The following CCDC144A variants were observed in gnomAD, a reference collection of about 807,000 sequenced individuals.
CCDC144A encodes the protein coiled-coil domain-containing protein 144A.
In CCDC144A, 41 loss-of-function variants were observed where a neutral mutation model predicts 143.8. The observed-to-expected ratio is 0.29, with a 90% CI of 0.22 to 0.37. The LOEUF (loss-of-function observed/expected upper bound fraction) is 0.37, where lower values mean the gene tolerates loss of function less well. CCDC144A is among the 10% of genes least tolerant of loss of function. CCDC144A has a pLI of 1.00. For synonymous variants in CCDC144A, 242 were observed against 517.9 expected (o/e 0.47, Z 7.23); for missense variants, 637 against 1,488.8 (o/e 0.43, Z 9.41).
At chr17:16,694,039 A>G (rs1175712932) in intron 2 of CCDC144A, among the ~76,000 whole-genome samples, 1 of 148,140 alleles carries the variant, frequency 6.8e-6, no homozygotes, top group Non-Finnish European at 1.5e-5. Flanking sequence ...GGATCATTAT[A>G]TAACTCTTCA....
At chr17:16,730,775 T>C (rs1354309058) in intron 9 of CCDC144A, among the ~76,000 whole-genome samples, 2 of 139,612 alleles carry the variant, frequency 1.4e-5, no homozygotes, top group African/African-American at 6.2e-5. Context: ...AGGGATTAGG[T>C]TCTTGATTAG....
chr17:16,699,531 G>A (rs1378712337), intron 2 of CCDC144A, among the ~76,000 whole-genome samples: 1 of 29,784 alleles, frequency 3.4e-5, no homozygotes, highest in Admixed American at 4.5e-4. Flanking sequence ...GTGAGCCACC[G>A]CGCCCGGCCT....
the CCDC144A span, among the ~76,000 whole-genome samples, chr17:16,676,380 A>G: frequency 1.3e-5 from 2 of 151,634 alleles, no homozygotes; most frequent in Non-Finnish European, 1.5e-5. Flanking sequence ...GCGTGGTGGC[A>G]GGCGCCTGTA....
upstream of CCDC144A, among the ~76,000 whole-genome samples, chr17:16,687,975 C>A (rs1910842340): frequency 6.6e-6 from 1 of 151,390 alleles, no homozygotes; most frequent in South Asian, 2.1e-4. Context: ...AAAGAGCACA[C>A]TAGATTGTAC....
chr17:16,728,200 T>C (rs1199303364), intron 9 of CCDC144A, among the ~76,000 whole-genome samples: 1 of 152,178 alleles, frequency 6.6e-6, no homozygotes, highest in Non-Finnish European at 1.5e-5. Flanking sequence ...CATGCTTGGC[T>C]AACTTTTTAA....
intron 12 of CCDC144A, among the ~76,000 whole-genome samples, chr17:16,758,190 T>C (rs1015160284): frequency 1.3e-5 from 2 of 151,790 alleles, no homozygotes; most frequent in African/African-American, 4.8e-5. Context: ...ATTTAAAAGA[T>C]TTCTACCACT....
chr17:16,770,124 ACTGT>A (rs1430796424), intron 15 of CCDC144A, among the ~76,000 whole-genome samples: 2 of 148,990 alleles, frequency 1.3e-5, no homozygotes, highest in African/African-American at 5.0e-5. Context: ...CCACACCTGG[ACTGT>A]CTGAGTTATT....
the CCDC144A span, among the ~76,000 whole-genome samples, chr17:16,680,779 A>G: frequency 1.3e-5 from 2 of 152,050 alleles, no homozygotes; most frequent in South Asian, 4.2e-4. Flanking sequence ...CAGAACCAAA[A>G]CAAAAAAGGA....
intron 15 of CCDC144A, 36 bp downstream of exon 15, chr17:16,764,211 T>A (rs1331318622): frequency 7.0e-6 from 11 of 1,579,396 alleles, no homozygotes; most frequent in African/African-American, 2.7e-5. Flanking sequence ...TTCAGATTTC[T>A]GATAGAATTC....
chr17:16,721,852 G>A (rs962181386), intron 8 of CCDC144A, among the ~76,000 whole-genome samples: 10 of 152,166 alleles, frequency 6.6e-5, no homozygotes, highest in African/African-American at 2.4e-4. Context: ...TGCCCCGCAG[G>A]TTGGATTTTA....
At chr17:16,699,284 A>G (rs1911584674) in intron 2 of CCDC144A, among the ~76,000 whole-genome samples, 1 of 148,432 alleles carries the variant, frequency 6.7e-6, no homozygotes, top group South Asian at 2.2e-4. Flanking sequence ...TTAACCATCT[A>G]TACATAAGAT....
chr17:16,697,008 C>T (rs922304543), intron 2 of CCDC144A, among the ~76,000 whole-genome samples: 1 of 151,656 alleles, frequency 6.6e-6, no homozygotes, highest in Non-Finnish European at 1.5e-5. Flanking sequence ...CATTCCTAAA[C>T]CAGGCACTGG....
In CCDC144A at chr17:16,761,332, T is replaced by A. The variant is rs866416059; in HGVS notation, c.3373-93T>A. The A allele has an allele frequency of 1.2e-3, 1,237 of 993,686 alleles. 8 individuals are homozygous for A. The African/African-American group carries it at 0.022, about 18-fold the overall frequency. 61.6% of individuals were successfully genotyped at this position (993,686 alleles called of 1,614,324 possible). Reference sequence around the variant, plus strand: ...CTGGGCGACAGAGCGAGACTCCATCTCAAAAAAAAAAAAAAAAAAATTATT... The same window carrying A: ...CTGGGCGACAGAGCGAGACTCCATCACAAAAAAAAAAAAAAAAAAATTATT... On this transcript the variant is annotated intron_variant, in intron 12 of 16. Coordinates refer to ENST00000399273, the MANE Select transcript of CCDC144A (RefSeq NM_001382000.1).
At chr17:16,710,259 G>A (rs1375961429) in intron 5 of CCDC144A, 1 of 160,728 alleles carries the variant, frequency 6.2e-6, no homozygotes, top group African/African-American at 2.4e-5. Flanking sequence ...CAGGTCGGAA[G>A]TGGAGCAGGT....
chr17:16,754,118 G>C (rs1314964990), intron 12 of CCDC144A, among the ~76,000 whole-genome samples: 1 of 152,194 alleles, frequency 6.6e-6, no homozygotes. Context: ...TTGGCATATA[G>C]TTGTTCATAA....
At chr17:16,723,036 C>T (rs1414059961) in intron 8 of CCDC144A, among the ~76,000 whole-genome samples, 10 of 146,502 alleles carry the variant, frequency 6.8e-5, no homozygotes, top group Non-Finnish European at 1.2e-4. Flanking sequence ...TGTATTTCTC[C>T]TCTATTTTTT....
intron 2 of CCDC144A, among the ~76,000 whole-genome samples, chr17:16,693,379 C>T (rs1452679307): frequency 6.6e-6 from 1 of 150,522 alleles, no homozygotes; most frequent in Non-Finnish European, 1.5e-5. Context: ...TGCAGTGGTG[C>T]GATCTCGGCT....
At chr17:16,750,317 A>G (rs2143313860) in intron 12 of CCDC144A, among the ~76,000 whole-genome samples, 1 of 151,432 alleles carries the variant, frequency 6.6e-6, no homozygotes, top group African/African-American at 2.4e-5. Flanking sequence ...GTTTGTCTGG[A>G]AAAGATTGTA....
At chr17:16,722,819 T>A (rs1399825129) in intron 8 of CCDC144A, among the ~76,000 whole-genome samples, 1 of 152,064 alleles carries the variant, frequency 6.6e-6, no homozygotes, top group Non-Finnish European at 1.5e-5. Flanking sequence ...GTAATATGCC[T>A]TTGTGGTTCC....
Sources: allele counts gnomAD v4.1 joint callset (sites outside exome capture counted in the v4.1 genomes callset), GRCh38; gene constraint gnomAD v4.1.1; transcripts MANE v1.5; gene names NCBI Gene and HGNC (gene_info 2026-07-23, HGNC 2026-07-21).